Variants in PADI1 observed in about 807,000 individuals in gnomAD.
PADI1 encodes the protein peptidyl arginine deiminase 1.
Under a neutral mutation model 74.8 loss-of-function variants are expected in PADI1, and 65 were observed. The observed-to-expected ratio is 0.87, with a 90% confidence interval of 0.71 to 1.07. The LOEUF (loss-of-function observed/expected upper bound fraction) is 1.07, where lower values mean the gene tolerates loss of function less well. Among genes scored for constraint, PADI1 ranks in the 50% least tolerant of loss-of-function variants. The pLI, the probability that PADI1 is intolerant of heterozygous loss-of-function variation, is 0.00. For missense variants in PADI1, 943 were observed against 854.0 expected, an observed-to-expected ratio of 1.10 and a Z score of -1.30; for synonymous variants, 371 against 336.2, an observed-to-expected ratio of 1.10 and a Z score of -1.13.
At chr1:17,224,305 C>A in intron 3 of PADI1, 62 bp from the exon 4 acceptor site, 1 of 1,471,118 alleles carries the variant, frequency 6.8e-7, no homozygotes, top group Non-Finnish European at 9.5e-7. Context: ...CCAACCTGGA[C>A]TTTAGGGGTG....
intron 1 of PADI1, among the ~76,000 whole-genome samples, chr1:17,219,923 G>GT (rs1382161210): frequency 6.6e-6 from 1 of 152,084 alleles, no homozygotes; most frequent in Non-Finnish European, 1.5e-5. Flanking sequence ...ACTGTCCAGG[G>GT]TGGGACTGAG....
At chr1:17,211,218 G>A (rs1184027024) in intron 1 of PADI1, among the ~76,000 whole-genome samples, 1 of 150,980 alleles carries the variant, frequency 6.6e-6, no homozygotes, top group African/African-American at 2.4e-5. Flanking sequence ...TTTTGTTTTT[G>A]TTTTTTTTTG....
intron 15 of PADI1, among the ~76,000 whole-genome samples, chr1:17,241,303 G>A (rs918820437): frequency 6.6e-6 from 1 of 152,234 alleles, no homozygotes; most frequent in East Asian, 1.9e-4. Flanking sequence ...CGATGCTATC[G>A]GGGTGGGCCT....
chr1:17,216,697 C>T (rs2071987122), intron 1 of PADI1, among the ~76,000 whole-genome samples: 1 of 152,094 alleles, frequency 6.6e-6, no homozygotes, highest in East Asian at 1.9e-4. Context: ...ATGGCGAAAC[C>T]CCATCTCTAC....
intron 1 of PADI1, among the ~76,000 whole-genome samples, chr1:17,209,920 G>A (rs2071790630): frequency 6.6e-6 from 1 of 151,754 alleles, no homozygotes. Flanking sequence ...ACATGATCTC[G>A]GCTCACTACA....
At chr1:17,219,313 G>C (rs983050133) in intron 1 of PADI1, among the ~76,000 whole-genome samples, 3 of 152,082 alleles carry the variant, frequency 2.0e-5, no homozygotes, top group South Asian at 2.1e-4. Flanking sequence ...CAGCAGTGGG[G>C]GGCGAGTAGA....
chr1:17,215,743 T>C (rs2071960407), intron 1 of PADI1, among the ~76,000 whole-genome samples: 1 of 152,140 alleles, frequency 6.6e-6, no homozygotes, highest in Non-Finnish European at 1.5e-5. Flanking sequence ...CCAGAACGCG[T>C]TGATTGTGCC....
chr1:17,231,349 G>C (rs2072486408), intron 10 of PADI1, among the ~76,000 whole-genome samples: 1 of 152,188 alleles, frequency 6.6e-6, no homozygotes, highest in African/African-American at 2.4e-5. Flanking sequence ...GCAAAACTAG[G>C]GGGGCTGTCC....
chr1:17,222,248 G>C, intron 1 of PADI1, 42 bp from the exon 2 acceptor site: 1 of 1,513,784 alleles, frequency 6.6e-7, no homozygotes, highest in Non-Finnish European at 9.2e-7. Flanking sequence ...CCTGAAGAGA[G>C]ATGGGAAGAC....
At chr1:17,206,896 G>A (rs1446664323) in intron 1 of PADI1, among the ~76,000 whole-genome samples, 1 of 151,932 alleles carries the variant, frequency 6.6e-6, no homozygotes, top group African/African-American at 2.4e-5. Context: ...GGTCAGGCTG[G>A]TCTCAAACTC....
At chr1:17,243,088 A>T (rs1469195235) in intron 15 of PADI1, among the ~76,000 whole-genome samples, 1 of 152,020 alleles carries the variant, frequency 6.6e-6, no homozygotes, top group East Asian at 1.9e-4. Context: ...CTCACCTCAA[A>T]CTCAAGACAG....
chr1:17,223,827 G>T, intron 3 of PADI1, 134 bp downstream of exon 3: 3 of 715,150 alleles, frequency 4.2e-6, no homozygotes, highest in South Asian at 3.3e-5. Flanking sequence ...TGGATTCCTC[G>T]GGACCTTCTG....
chr1:17,218,882 G>C (rs769639665), intron 1 of PADI1, among the ~76,000 whole-genome samples: 1 of 152,150 alleles, frequency 6.6e-6, no homozygotes, highest in Non-Finnish European at 1.5e-5. Context: ...AGGCATGGTC[G>C]TGGACTCAAA....
chr1:17,228,506 G>T, intron 6 of PADI1, 119 bp from the exon 7 acceptor site: 1 of 965,990 alleles, frequency 1.0e-6, no homozygotes, highest in South Asian at 1.4e-5. Flanking sequence ...CTTGCACGTG[G>T]CAGAGCCAGA....
chr1:17,205,363 T>C (rs2071657608), intron 1 of PADI1, 54 bp downstream of exon 1: 1 of 1,404,082 alleles, frequency 7.1e-7, no homozygotes, highest in African/African-American at 1.4e-5. Flanking sequence ...AGAGTGTAAG[T>C]CAATGGGGTG....
In PADI1 at chr1:17,244,618, C is replaced by G; in HGVS notation, c.*375C>G. ...GGGAACAAGGATAATGACTTTGCAT[C>G]TGCACCTGGAACGGGGCCTGGGGGA... On this transcript the variant is annotated 3_prime_UTR_variant, in exon 16 of 16. Transcript: ENST00000375471. The G allele has an allele frequency of 2.7e-6, 1 of 373,688 alleles. No individual in the cohort carries two copies. The highest frequency in any genetic ancestry group is 5.8e-4 in the Middle Eastern group (1 of 1,712). 23.1% of individuals were successfully genotyped at this position (373,688 alleles called of 1,614,324 possible). A position where few individuals can be genotyped will look rare whatever the true frequency, so the allele number is the denominator to read the frequency against.
In PADI1 at chr1:17,220,885, G is replaced by A. The variant is rs539625251; in HGVS notation, c.93-1405G>A. Among the ~76,000 whole-genome samples the A allele has an allele frequency of 5.3e-5, 8 of 152,322 alleles. No homozygotes were observed. The South Asian group carries it at 8.3e-4, about 16-fold the overall frequency. On this transcript the variant is annotated intron_variant, in intron 1 of 15. Transcript: ENST00000375471. ...AGAGGCCCTGTTGGTTTTGCTCTGC[G>A]TGCCCTGTAGCCTGAGTTTGCAGTG...
intron 10 of PADI1, among the ~76,000 whole-genome samples, chr1:17,231,151 C>T (rs560314519): frequency 9.2e-5 from 14 of 152,232 alleles, no homozygotes; most frequent in African/African-American, 3.4e-4. Flanking sequence ...AACAGCAGCA[C>T]CCACCGTTAC....
intron 11 of PADI1, among the ~76,000 whole-genome samples, chr1:17,235,729 T>C (rs546244106): frequency 3.7e-4 from 56 of 152,176 alleles, no homozygotes; most frequent in South Asian, 1.2e-3. Flanking sequence ...TCCAAGGACT[T>C]TGCTCCCTTC....
Sources: gnomAD v4.1 joint callset for allele counts (sites outside exome capture counted in the v4.1 genomes callset) on GRCh38, gnomAD v4.1.1 for gene constraint, MANE v1.5 for transcripts, NCBI Gene and HGNC (gene_info 2026-07-23, HGNC 2026-07-21) for gene names.